SPNS3: variants seen among roughly 807,000 people sequenced by gnomAD.
The protein encoded by SPNS3 is protein spinster homolog 3.
In SPNS3, 51 loss-of-function variants were observed where a neutral mutation model predicts 54.4. That is an observed-to-expected ratio of 0.94 (90% CI 0.75 to 1.18). SPNS3 has a LOEUF of 1.18. Among genes scored for constraint, SPNS3 ranks in the 50% most tolerant of loss-of-function variants. The probability of loss-of-function intolerance (pLI) is 0.00; values close to 1 mark genes in which losing one functional copy is unlikely to be tolerated. For synonymous variants in SPNS3, 309 were observed against 294.7 expected (o/e 1.05, Z -0.50); for missense variants, 669 against 677.4 (o/e 0.99, Z 0.14).
chr17:4,458,112 A>C (rs1317012626), intron 8 of SPNS3, among the ~76,000 whole-genome samples: 1 of 151,802 alleles, frequency 6.6e-6, no homozygotes, highest in African/African-American at 2.4e-5. Context: ...GTCAGTCACA[A>C]AGCCCTTGAC....
At chr17:4,448,729 G>C (rs1240528022) in intron 6 of SPNS3, among the ~76,000 whole-genome samples, 1 of 152,206 alleles carries the variant, frequency 6.6e-6, no homozygotes, top group Non-Finnish European at 1.5e-5. Context: ...AGCCATGCTG[G>C]GGGAGGCAGG....
At chr17:4,487,772 C>G in intron 11 of SPNS3, 34 bp from the exon 12 acceptor site, 1 of 1,606,542 alleles carries the variant, frequency 6.2e-7, no homozygotes, top group Non-Finnish European at 8.5e-7. Flanking sequence ...CCTTCTGCAA[C>G]CTTCGGGCAG....
chr17:4,446,812 G>T, intron 4 of SPNS3, 84 bp from the exon 5 acceptor site: 3 of 1,323,710 alleles, frequency 2.3e-6, no homozygotes, highest in East Asian at 2.3e-5. Flanking sequence ...GGCGTGGGGG[G>T]GGCACCCTGG....
chr17:4,482,675 C>T (rs944870382), intron 9 of SPNS3: 1 of 152,302 alleles, frequency 6.6e-6, no homozygotes, highest in African/African-American at 2.4e-5. Flanking sequence ...ATAGAGGGGC[C>T]CTGCTCCCTG....
intron 8 of SPNS3, among the ~76,000 whole-genome samples, chr17:4,468,075 T>C (rs375164354): frequency 7.6e-4 from 115 of 152,298 alleles, no homozygotes; most frequent in African/African-American, 2.6e-3. Flanking sequence ...CCTGATTAAT[T>C]TGGGGCCATT....
intron 8 of SPNS3, 80 bp downstream of exon 8, chr17:4,453,285 G>A (rs1030144959): frequency 5.1e-5 from 68 of 1,337,612 alleles, no homozygotes; most frequent in Admixed American, 8.4e-5. Flanking sequence ...TGCTGCGCCC[G>A]GCCTTTATGT....
At position 4,446,103 on chromosome 17, in the gene SPNS3, A is replaced by C; in HGVS notation, c.458A>C (p.Tyr153Ser). The C allele has an allele frequency of 6.2e-7, 1 of 1,611,792 alleles. No homozygotes were observed. The highest frequency in any genetic ancestry group is 1.1e-5 in the South Asian group (1 of 90,950). Residue 153 changes from tyrosine to serine, a missense_variant, in exon 4 of 12, where the codon TAC (tyrosine) becomes TCC (serine). Coordinates refer to ENST00000355530, the MANE Select transcript of SPNS3 (RefSeq NM_182538.5). The stretch of plus-strand genomic sequence containing the variant: ...ATCGTGGGCACTGGCTCGGCCAGCT[A>C]CTCCACCATCGCGCCCACCGTCCTG... ...RGIVGTGSAS[Y>S]STIAPTVLGD...
intron 1 of SPNS3, among the ~76,000 whole-genome samples, chr17:4,437,751 G>A (rs1597298510): frequency 6.6e-6 from 1 of 151,630 alleles, no homozygotes; most frequent in African/African-American, 2.4e-5. Context: ...GGTTGCAGTG[G>A]CAATTGGGGA....
chr17:4,463,447 G>A (rs1971594745), intron 8 of SPNS3, among the ~76,000 whole-genome samples: 2 of 148,088 alleles, frequency 1.4e-5, no homozygotes, highest in South Asian at 4.3e-4. Flanking sequence ...GAATATACTA[G>A]CCAGGCATGA....
chr17:4,436,365 T>C (rs2143968109), intron 1 of SPNS3, among the ~76,000 whole-genome samples: 1 of 152,230 alleles, frequency 6.6e-6, no homozygotes, highest in Non-Finnish European at 1.5e-5. Flanking sequence ...GGTCAGGAGC[T>C]TCTCCTCACA....
chr17:4,478,610 C>G lies in SPNS3; in HGVS notation c.1152C>G (p.Asn384Lys), dbSNP rs769681698. Reference protein sequence around the residue: ...LGLGELLLSCNWAVVADILLS... With the variant: ...LGLGELLLSCKWAVVADILLS... ...TTGGGGAGCTGCTTCTGTCCTGCAA[C>G]TGGGCAGTGGTTGCCGACATCCTGC... The change falls in exon 9 of 12, where the codon AAC (asparagine) becomes AAG (lysine). Residue 384 changes from asparagine (N) to lysine (K), a missense_variant. Transcript: ENST00000355530. 5.7e-6 allele frequency: 9 copies of G among 1,589,938 alleles called. No homozygotes were observed. The Admixed American group carries it at 1.6e-4, about 29-fold the overall frequency.
chr17:4,478,055 TCTGCCTCTTGGGTTCAAGCTATTCTC>T (rs1972056442), intron 8 of SPNS3, among the ~76,000 whole-genome samples: 1 of 137,470 alleles, frequency 7.3e-6, no homozygotes, highest in Non-Finnish European at 1.5e-5. Flanking sequence ...CCCTGCAACC[TCTGCCTCTTGGGTTCAAGCTATTCTC>T]CTGCCTCAGC....
intron 3 of SPNS3, 126 bp from the exon 4 acceptor site, chr17:4,445,922 G>T (rs1008033442): frequency 3.5e-6 from 4 of 1,133,472 alleles, no homozygotes; most frequent in South Asian, 3.4e-5. Context: ...CTGTAGCCCC[G>T]ATCCCCTCTC....
chr17:4,478,487 C>T, intron 8 of SPNS3, 85 bp from the exon 9 acceptor site: 6 of 1,240,310 alleles, frequency 4.8e-6, no homozygotes, highest in Non-Finnish European at 6.9e-6. Context: ...GCGTCCCAGT[C>T]TCTCCTCTCC....
At chr17:4,439,790 G>C in intron 2 of SPNS3, 67 bp downstream of exon 2, 1 of 1,440,626 alleles carries the variant, frequency 6.9e-7, no homozygotes, top group South Asian at 1.2e-5. Flanking sequence ...CTTTCTGTGG[G>C]TCATGTTCTG....
rs1483526894 is a variant in SPNS3 at position 4,483,461 on chromosome 17, C to T, written c.1180-2767C>T. ...GCTGGGGGAGACCCACCTCTCTCGC[C>T]ACTGGCAGCAGTGACTGAGCTGGGC... is the stretch of plus-strand genomic sequence containing the variant. On this transcript the variant is annotated intron_variant, in intron 9 of 11. Transcript: ENST00000355530. This position sits in a 1 kb window ranked among gnomAD's most constrained non-coding sequence, Gnocchi z 4.2. 2 of 152,232 alleles carry T rather than the reference C, an allele frequency of 1.3e-5. No homozygotes were observed. Among genetic ancestry groups the T allele is most frequent in the Non-Finnish European group, 2.9e-5 (2 of 68,064 alleles). The allele number at this position is 152,232 out of a possible 1,614,324, so 9.4% of individuals were successfully genotyped here. A position where few individuals can be genotyped will look rare whatever the true frequency, so the allele number is the denominator to read the frequency against.
chr17:4,466,900 G>A (rs1417259812), intron 8 of SPNS3, among the ~76,000 whole-genome samples: 1 of 152,166 alleles, frequency 6.6e-6, no homozygotes, highest in Non-Finnish European at 1.5e-5. Context: ...TCTCTGGAGA[G>A]CAACAGCAGG....
At chr17:4,438,057 G>A (rs1284930711) in intron 1 of SPNS3, among the ~76,000 whole-genome samples, 5 of 152,232 alleles carry the variant, frequency 3.3e-5, no homozygotes, top group Non-Finnish European at 5.9e-5. Context: ...AAAGTGCTGG[G>A]ATTACAGGCG....
chr17:4,463,713 G>A (rs1004803032), intron 8 of SPNS3, among the ~76,000 whole-genome samples: 5 of 150,378 alleles, frequency 3.3e-5, no homozygotes, highest in South Asian at 2.1e-4. Flanking sequence ...CACTCCAGCC[G>A]GGCAACAGAG....
Sources: allele counts gnomAD v4.1 joint callset (sites outside exome capture counted in the v4.1 genomes callset), GRCh38; gene constraint gnomAD v4.1.1; non-coding constraint Gnocchi (gnomAD v3.1); transcripts MANE v1.5; gene names NCBI Gene and HGNC (gene_info 2026-07-23, HGNC 2026-07-21).